The following SMCHD1 variants were observed in gnomAD, a reference collection of about 807,000 sequenced individuals.
The protein encoded by SMCHD1 is structural maintenance of chromosomes flexible hinge domain containing 1.
SMCHD1 carries 78 observed loss-of-function variants against 254.7 expected under a neutral mutation model. The observed-to-expected ratio is 0.31, with a 90% CI of 0.26 to 0.37. The LOEUF (loss-of-function observed/expected upper bound fraction) is 0.37. Ranked by LOEUF, SMCHD1 falls within the 10% of genes least tolerant of loss-of-function variation. SMCHD1 has a pLI of 1.00. For missense variants in SMCHD1, 1,840 were observed against 2,408.1 expected (o/e 0.76, Z 4.94); for synonymous variants, 766 against 794.9 (o/e 0.96, Z 0.61).
intron 7 of SMCHD1, among the ~76,000 whole-genome samples, chr18:2,690,934 C>CA (rs2074163067): frequency 7.1e-6 from 1 of 141,772 alleles, no homozygotes; most frequent in Admixed American, 7.2e-5. Flanking sequence ...GAGAGGGCAG[C>CA]AAAATGTTGG....
chr18:2,733,278 A>C (rs1164316733), intron 25 of SMCHD1, among the ~76,000 whole-genome samples: 1 of 152,240 alleles, frequency 6.6e-6, no homozygotes, highest in African/African-American at 2.4e-5. Flanking sequence ...GAAAATGGAA[A>C]CTAGAGGCAC....
intron 25 of SMCHD1, among the ~76,000 whole-genome samples, chr18:2,737,768 A>G (rs1314938716): frequency 2.0e-5 from 3 of 152,204 alleles, no homozygotes; most frequent in Admixed American, 1.3e-4. Flanking sequence ...AGAAGGCTAA[A>G]TAAAAGTAGA....
intron 44 of SMCHD1, among the ~76,000 whole-genome samples, chr18:2,783,132 C>A (rs962714707): frequency 6.6e-6 from 1 of 151,758 alleles, no homozygotes; most frequent in Non-Finnish European, 1.5e-5. Flanking sequence ...TATACTATTT[C>A]ATTGTATGGA....
At chr18:2,671,837 A>G (rs191352311) in intron 3 of SMCHD1, among the ~76,000 whole-genome samples, 17 of 151,690 alleles carry the variant, frequency 1.1e-4, no homozygotes, top group African/African-American at 3.4e-4. Flanking sequence ...TGACCTGAAG[A>G]TCCGCCCGCC....
intron 1 of SMCHD1, among the ~76,000 whole-genome samples, chr18:2,663,507 A>T (rs1418972097): frequency 6.6e-6 from 1 of 152,068 alleles, no homozygotes; most frequent in Non-Finnish European, 1.5e-5. Context: ...CAACTGCTTT[A>T]ATTCTCCTGG....
chr18:2,712,655 C>T (rs887578278), intron 17 of SMCHD1, among the ~76,000 whole-genome samples: 1 of 152,210 alleles, frequency 6.6e-6, no homozygotes, highest in African/African-American at 2.4e-5. Flanking sequence ...AACTGTATAT[C>T]TTCGTTCTGC....
chr18:2,708,896 ATATATATATAT>A (rs1397189700), intron 17 of SMCHD1, among the ~76,000 whole-genome samples: 862 of 76,624 alleles, frequency 0.011, 161 homozygotes, highest in South Asian at 0.018. Flanking sequence ...ATATATATAT[ATATATATATAT>A]AACATATTAA....
intron 35 of SMCHD1, among the ~76,000 whole-genome samples, chr18:2,761,768 A>C (rs1313953621): frequency 6.6e-6 from 1 of 152,226 alleles, no homozygotes; most frequent in Non-Finnish European, 1.5e-5. Flanking sequence ...CAGTGAGCAG[A>C]GATCACCCCT....
intron 3 of SMCHD1, among the ~76,000 whole-genome samples, chr18:2,668,472 G>A (rs2073499284): frequency 6.6e-6 from 1 of 152,202 alleles, no homozygotes; most frequent in Admixed American, 6.5e-5. Flanking sequence ...TACACTACTA[G>A]TGAGTAGTGG....
chr18:2,788,617 C>G (rs2076274209), intron 45 of SMCHD1, among the ~76,000 whole-genome samples: 1 of 151,344 alleles, frequency 6.6e-6, no homozygotes, highest in African/African-American at 2.4e-5. Context: ...TTTTATTTTA[C>G]TTTTTGAGAC....
chr18:2,738,254 C>A, intron 25 of SMCHD1, 143 bp from the exon 26 acceptor site: 1 of 655,382 alleles, frequency 1.5e-6, no homozygotes, highest in Non-Finnish European at 2.4e-6. Flanking sequence ...AGTATATGAA[C>A]CACACCGTTT....
intron 45 of SMCHD1, among the ~76,000 whole-genome samples, chr18:2,788,038 A>G (rs2076266449): frequency 6.6e-6 from 1 of 152,342 alleles, no homozygotes; most frequent in East Asian, 1.9e-4. Context: ...ACCACCTTCC[A>G]GGTCAGCCAG....
At chr18:2,697,778 C>A in intron 9 of SMCHD1, 53 bp from the exon 10 acceptor site, 1 of 1,239,426 alleles carries the variant, frequency 8.1e-7, no homozygotes, top group Non-Finnish European at 1.2e-6. Context: ...TAGCTGAGAA[C>A]AAAAGTAAAG....
At chr18:2,754,512 G>A (rs896490713) in intron 34 of SMCHD1, among the ~76,000 whole-genome samples, 1 of 152,214 alleles carries the variant, frequency 6.6e-6, no homozygotes, top group Non-Finnish European at 1.5e-5. Flanking sequence ...GTGACAATGC[G>A]TATAAAATGT....
chr18:2,659,831 A>G (rs1408914981), intron 1 of SMCHD1, among the ~76,000 whole-genome samples: 1 of 151,874 alleles, frequency 6.6e-6, no homozygotes, highest in Non-Finnish European at 1.5e-5. Flanking sequence ...ACGAAATATA[A>G]TGGAGCCACA....
chr18:2,725,454 A>G (rs1278812082), intron 21 of SMCHD1, among the ~76,000 whole-genome samples: 1 of 151,960 alleles, frequency 6.6e-6, no homozygotes, highest in Non-Finnish European at 1.5e-5. Flanking sequence ...GGTGAGAGAT[A>G]CAGTTAAGGA....
chr18:2,771,093 G>A (rs948968052), intron 39 of SMCHD1, among the ~76,000 whole-genome samples: 1 of 152,154 alleles, frequency 6.6e-6, no homozygotes, highest in Admixed American at 6.5e-5. Flanking sequence ...TTGCCTCAAA[G>A]TACTCACTTT....
Position 2,732,485 on chromosome 18 carries a change from AAATT to A in SMCHD1, c.3272_3275del (p.Ile1091LysfsTer27), listed in dbSNP as rs2075161300. On this transcript the variant is annotated frameshift_variant, in exon 25 of 48. Coordinates refer to ENST00000320876, the MANE Select transcript of SMCHD1 (RefSeq NM_015295.3). LOFTEE classifies it high-confidence loss of function. The stretch of plus-strand genomic sequence containing the variant: ...AATATAACATCAGCTTTAGCAGAAA[AAATT>A]AAAGTAAGTATCTCTAACAGATTGG... 6.3e-7 allele frequency: 1 copy of A among 1,581,186 alleles called. No homozygotes were observed. Among genetic ancestry groups the A allele is most frequent in the Non-Finnish European group, 8.6e-7 (1 of 1,157,140 alleles).
chr18:2,689,017 G>GT (rs2074113081), intron 7 of SMCHD1, among the ~76,000 whole-genome samples: 1 of 152,004 alleles, frequency 6.6e-6, no homozygotes, highest in Non-Finnish European at 1.5e-5. Context: ...AAATTATAGA[G>GT]TAGAAAAACA....
Sources: gnomAD v4.1 joint callset for allele counts (sites outside exome capture counted in the v4.1 genomes callset) on GRCh38, gnomAD v4.1.1 for gene constraint, MANE v1.5 for transcripts, NCBI Gene and HGNC (gene_info 2026-07-23, HGNC 2026-07-21) for gene names.